Variants in DUSP14 observed in about 807,000 individuals in gnomAD.
DUSP14 encodes dual specificity protein phosphatase 14.
A neutral mutation model predicts 13.2 loss-of-function variants in DUSP14; 5 were observed. The observed-to-expected ratio is 0.38, with a 90% CI of 0.20 to 0.80. The LOEUF (loss-of-function observed/expected upper bound fraction) is 0.80, where lower values mean the gene tolerates loss of function less well. Among genes scored for constraint, DUSP14 ranks in the 30% least tolerant of loss-of-function variants. DUSP14 has a pLI of 0.44. For missense variants in DUSP14, 185 were observed against 264.0 expected (o/e 0.70, Z 2.07); for synonymous variants, 91 against 103.4 (o/e 0.88, Z 0.73).
intron 1 of DUSP14, chr17:37,510,117 C>T (rs2054173107): frequency 6.6e-6 from 1 of 152,298 alleles, no homozygotes; most frequent in Non-Finnish European, 1.5e-5. Context: ...GCTGCAGCCA[C>T]ATCTGCGGTC....
At position 37,512,388 on chromosome 17, in the gene DUSP14, G is replaced by A; in HGVS notation, c.116G>A (p.Gly39Asp). The change falls in exon 3 of 3, where the codon GGC becomes GAC. Residue 39 changes from glycine (G) to aspartate (D), a missense_variant. By Grantham distance (94) the Gly-to-Asp change is moderately conservative. Coordinates refer to ENST00000617516, the MANE Select transcript of DUSP14 (RefSeq NM_007026.4). This position sits in a 1 kb window ranked among gnomAD's most constrained non-coding sequence, Gnocchi z 4.8. The stretch of plus-strand genomic sequence containing the variant: ...ACCTCCTCTCTATTCCTGGGCAGAG[G>A]CAGTGTGGCCTCCAATCGGCACCTC... ...QITSSLFLGR[G>D]SVASNRHLLQ... 1 of 1,614,162 alleles carries A rather than the reference G, an allele frequency of 6.2e-7. No individual in the cohort carries two copies. Among genetic ancestry groups the A allele is most frequent in the Non-Finnish European group, 8.5e-7 (1 of 1,180,018 alleles).
chr17:37,509,111 A>ATATATATG (rs1245854314), intron 1 of DUSP14, among the ~76,000 whole-genome samples: 1 of 33,460 alleles, frequency 3.0e-5, no homozygotes, highest in African/African-American at 1.4e-4. Context: ...ACCCATATAT[A>ATATATATG]TATATATATA....
chr17:37,505,633 ATCTT>A (rs1292364917), intron 1 of DUSP14, among the ~76,000 whole-genome samples: 1 of 129,576 alleles, frequency 7.7e-6, no homozygotes, highest in Non-Finnish European at 1.6e-5. Flanking sequence ...GGTGGTTGTC[ATCTT>A]TTTTTTTTTT....
chr17:37,509,281 A>AG (rs1484886369), intron 1 of DUSP14, among the ~76,000 whole-genome samples: 42 of 33,372 alleles, frequency 1.3e-3, no homozygotes, highest in South Asian at 2.4e-3. Flanking sequence ...ATATATATAT[A>AG]TATATATATA....
Position 37,512,931 on chromosome 17 carries a change from C to G in DUSP14, c.*62C>G. On this transcript the variant is annotated 3_prime_UTR_variant, in exon 3 of 3. Coordinates refer to ENST00000617516, the MANE Select transcript of DUSP14 (RefSeq NM_007026.4). The surrounding 1 kb of genome is among the most constrained non-coding windows in gnomAD (Gnocchi z 4.8). ...CGGCATCTGCTCCCCGCCGTCTGCT[C>G]CCTCTCCACTCTCTTCTCAAATGGC... is the stretch of plus-strand genomic sequence containing the variant. 2 of 1,361,864 alleles carry G rather than the reference C, an allele frequency of 1.5e-6. No homozygotes were observed. The highest frequency in any genetic ancestry group is 1.3e-5 in the South Asian group (1 of 75,324). 84.4% of individuals were successfully genotyped at this position (1,361,864 alleles called of 1,614,324 possible).
chr17:37,495,643 T>A (rs950041527), intron 1 of DUSP14, among the ~76,000 whole-genome samples: 1 of 142,250 alleles, frequency 7.0e-6, no homozygotes, highest in African/African-American at 2.6e-5. Context: ...GAACTTGCTT[T>A]AAGTTTTGTT....
chr17:37,493,364 G>A (rs963181652), intron 1 of DUSP14, among the ~76,000 whole-genome samples: 1 of 152,184 alleles, frequency 6.6e-6, no homozygotes, highest in African/African-American at 2.4e-5. Context: ...GAACAGCCCT[G>A]AGTCAGGTGT....
chr17:37,489,862 G>A (rs959047711), upstream of DUSP14: 6 of 147,800 alleles, frequency 4.1e-5, no homozygotes, highest in Non-Finnish European at 7.5e-5. Context: ...GCGGAGGGAG[G>A]AGGAGGCGGC....
At chr17:37,503,522 A>G (rs1016959830) in intron 1 of DUSP14, among the ~76,000 whole-genome samples, 2 of 152,244 alleles carry the variant, frequency 1.3e-5, no homozygotes, top group African/African-American at 4.8e-5. Flanking sequence ...CAGCAGTTGG[A>G]ACAACACTCA....
chr17:37,490,711 T>C (rs1223597061), intron 1 of DUSP14, among the ~76,000 whole-genome samples: 3 of 151,928 alleles, frequency 2.0e-5, no homozygotes, highest in Non-Finnish European at 4.4e-5. Context: ...TTTTTTTTTT[T>C]TAAAACCACC....
Position 37,492,588 on chromosome 17 carries a change from C to G in DUSP14, c.-181+2630C>G, listed in dbSNP as rs2054036093. Reference sequence around the variant, plus strand: ...TACAGAGGAAGAAGGCAAGTAAGGTCGGTCTCTGACCTTATGAAGCTGACA... The same window carrying G: ...TACAGAGGAAGAAGGCAAGTAAGGTGGGTCTCTGACCTTATGAAGCTGACA... On this transcript the variant is annotated intron_variant, in intron 1 of 2. Coordinates refer to ENST00000617516, the MANE Select transcript of DUSP14 (RefSeq NM_007026.4). Among the ~76,000 whole-genome samples the G allele has an allele frequency of 2.0e-5, 3 of 152,264 alleles. No homozygotes were observed. In the South Asian group the frequency reaches 6.2e-4, roughly 32 times the overall value.
chr17:37,493,085 A>G (rs1380894993), intron 1 of DUSP14, among the ~76,000 whole-genome samples: 2 of 152,052 alleles, frequency 1.3e-5, no homozygotes, highest in South Asian at 2.1e-4. Context: ...GCAGCATGCT[A>G]TTTTAAAAGA....
chr17:37,505,635 CT>C (rs35707292), intron 1 of DUSP14, among the ~76,000 whole-genome samples: 70,270 of 120,986 alleles, frequency 0.58, 19,746 homozygotes, highest in East Asian at 0.68. Flanking sequence ...TGGTTGTCAT[CT>C]TTTTTTTTTT....
At chr17:37,504,753 A>T (rs1030994316) in intron 1 of DUSP14, among the ~76,000 whole-genome samples, 39 of 151,674 alleles carry the variant, frequency 2.6e-4, no homozygotes, top group East Asian at 1.4e-3. Context: ...AATTTTTAAA[A>T]TTTTTTTTGC....
intron 1 of DUSP14, among the ~76,000 whole-genome samples, chr17:37,490,559 G>C (rs1319162815): frequency 6.6e-6 from 1 of 152,168 alleles, no homozygotes; most frequent in Non-Finnish European, 1.5e-5. Context: ...GGTGCGTGCT[G>C]TGGCCGCCTT....
intron 2 of DUSP14, among the ~76,000 whole-genome samples, chr17:37,511,924 C>A (rs56656644): frequency 6.4e-4 from 22 of 34,254 alleles, no homozygotes; most frequent in African/African-American, 1.4e-3. Context: ...CCCAGCCACC[C>A]CCCCCCCACC....
At chr17:37,507,321 C>T (rs1020712594) in intron 1 of DUSP14, among the ~76,000 whole-genome samples, 1 of 152,190 alleles carries the variant, frequency 6.6e-6, no homozygotes, top group African/African-American at 2.4e-5. Flanking sequence ...TTGGATTCTG[C>T]CCCGAGGGCT....
At chr17:37,496,410 A>G (rs2054065128) in intron 1 of DUSP14, among the ~76,000 whole-genome samples, 1 of 151,210 alleles carries the variant, frequency 6.6e-6, no homozygotes, top group Admixed American at 6.6e-5. Context: ...TTCAATCGAG[A>G]CTAGCCTGAC....
intron 2 of DUSP14, among the ~76,000 whole-genome samples, chr17:37,511,940 T>G (rs1295447195): frequency 4.5e-5 from 5 of 110,200 alleles, no homozygotes; most frequent in Non-Finnish European, 9.5e-5. Flanking sequence ...CCACCCCACT[T>G]TTTTTTTTTT....
Sources: allele counts gnomAD v4.1 joint callset (sites outside exome capture counted in the v4.1 genomes callset), GRCh38; gene constraint gnomAD v4.1.1; non-coding constraint Gnocchi (gnomAD v3.1); transcripts MANE v1.5; gene names NCBI Gene and HGNC (gene_info 2026-07-23, HGNC 2026-07-21).